Variants in TNIK observed in about 807,000 individuals in gnomAD.
The protein encoded by TNIK is TRAF2 and NCK interacting kinase.
TNIK carries 49 observed loss-of-function variants against 191.3 expected under a neutral mutation model. That is an observed-to-expected ratio of 0.26 (90% CI 0.20 to 0.32). The LOEUF (loss-of-function observed/expected upper bound fraction) is 0.32. TNIK is among the 10% of genes least tolerant of loss of function. The probability of loss-of-function intolerance (pLI) is 1.00; values close to 1 mark genes in which losing one functional copy is unlikely to be tolerated. For missense variants in TNIK, 1,155 were observed against 1,702.3 expected, an observed-to-expected ratio of 0.68 and a Z score of 5.66; for synonymous variants, 594 against 600.9, an observed-to-expected ratio of 0.99 and a Z score of 0.17.
At chr3:171,130,972 G>GAGAT (rs1473877033) in intron 15 of TNIK, among the ~76,000 whole-genome samples, 1 of 152,086 alleles carries the variant, frequency 6.6e-6, no homozygotes, top group Non-Finnish European at 1.5e-5. Context: ...AACCATTTTT[G>GAGAT]AGATAAAGAA....
intron 2 of TNIK, among the ~76,000 whole-genome samples, chr3:171,247,765 A>G (rs1745766725): frequency 6.6e-6 from 1 of 152,254 alleles, no homozygotes; most frequent in South Asian, 2.1e-4. Flanking sequence ...GGTCAGAGCC[A>G]GTGCTACAGA....
chr3:171,297,662 A>ACTCT (rs35322323), intron 2 of TNIK, among the ~76,000 whole-genome samples: 74,836 of 151,844 alleles, frequency 0.49, 18,997 homozygotes, highest in African/African-American at 0.52. Flanking sequence ...GAAAAATTAA[A>ACTCT]CAATATAATT....
intron 13 of TNIK, 108 bp from the exon 14 acceptor site, chr3:171,139,664 G>T: frequency 9.8e-7 from 1 of 1,017,864 alleles, no homozygotes. Context: ...GAAGGAAGGA[G>T]GGGAAAAATA....
Position 171,457,500 on chromosome 3 carries a change from G to A in TNIK, c.57+2507C>T, listed in dbSNP as rs80307611. On this transcript the variant is annotated intron_variant, in intron 1 of 32. Transcript: ENST00000436636. ...CATTTCAGGGGTCAGGCATTCCCCA[G>A]GAGGGGCTCAGCAGGCAGACTTTAC... is the stretch of plus-strand genomic sequence containing the variant. Among the ~76,000 whole-genome samples the A allele has an allele frequency of 6.5e-3, 986 of 152,306 alleles. 5 individuals are homozygous for A. Among genetic ancestry groups the A allele is most frequent in the Middle Eastern group, 0.024 (7 of 294 alleles).
intron 1 of TNIK, among the ~76,000 whole-genome samples, chr3:171,429,511 T>G (rs1420796810): frequency 6.6e-6 from 1 of 152,224 alleles, no homozygotes; most frequent in Non-Finnish European, 1.5e-5. Context: ...CATTTTCCCC[T>G]TTGAAATTCT....
intron 15 of TNIK, among the ~76,000 whole-genome samples, chr3:171,137,787 G>T (rs186043365): frequency 8.5e-5 from 13 of 152,070 alleles, no homozygotes; most frequent in Admixed American, 7.2e-4. Context: ...CAGCAACAGG[G>T]TCCAGGCATG....
chr3:171,088,286 G>A (rs1576772538), intron 23 of TNIK, among the ~76,000 whole-genome samples: 1 of 150,394 alleles, frequency 6.6e-6, no homozygotes, highest in Non-Finnish European at 1.5e-5. Context: ...CCAGGCTGGA[G>A]TGCAGTGGCG....
intron 2 of TNIK, among the ~76,000 whole-genome samples, chr3:171,280,388 TTA>T (rs1299377269): frequency 6.6e-6 from 1 of 152,180 alleles, no homozygotes; most frequent in Non-Finnish European, 1.5e-5. Flanking sequence ...CACTTACAAG[TTA>T]TGTGTCTTTG....
intron 28 of TNIK, 84 bp downstream of exon 28, chr3:171,079,434 A>T (rs1720396444): frequency 1.3e-6 from 2 of 1,491,176 alleles, no homozygotes; most frequent in Admixed American, 2.2e-5. Flanking sequence ...CATCAATCTG[A>T]TAGAAAAAAC....
chr3:171,421,724 A>ATT (rs67895255), intron 1 of TNIK, among the ~76,000 whole-genome samples: 2,084 of 91,228 alleles, frequency 0.023, 169 homozygotes, highest in African/African-American at 0.069. Flanking sequence ...TAGTTGTGTA[A>ATT]TTTTTTTTTT....
At position 171,448,088 on chromosome 3, in the gene TNIK, T is replaced by A. The variant is rs186030266; in HGVS notation, c.57+11919A>T. On this transcript the variant is annotated intron_variant, in intron 1 of 32. Coordinates refer to ENST00000436636, the MANE Select transcript of TNIK (RefSeq NM_015028.4). Reference sequence around the variant, plus strand: ...GGGAGAAGGTGGGTAGGAGTACAGATGAAACAGGATTCATTATGGGGGATA... The same window carrying A: ...GGGAGAAGGTGGGTAGGAGTACAGAAGAAACAGGATTCATTATGGGGGATA... Among the ~76,000 whole-genome samples the A allele has an allele frequency of 4.3e-3, 652 of 152,298 alleles. 6 individuals carry two copies. The highest frequency in any genetic ancestry group is 0.015 in the African/African-American group (620 of 41,552).
At position 171,087,781 on chromosome 3, in the gene TNIK, C is replaced by T. The variant is rs77808176; in HGVS notation, c.2722-275G>A. On this transcript the variant is annotated intron_variant, in intron 23 of 32. Coordinates refer to ENST00000436636, the MANE Select transcript of TNIK (RefSeq NM_015028.4). ...TGGGAGTCCCATGTACAGAGGGAGA[C>T]GCTACAAAAAGGGAGGGACTGAGCA... Among the ~76,000 whole-genome samples the T allele has an allele frequency of 5.8e-3, 889 of 152,268 alleles. 5 individuals are homozygous for T. The highest frequency in any genetic ancestry group is 0.02 in the African/African-American group (831 of 41,562).
chr3:171,071,161 TTAATG>T (rs1719126036), intron 29 of TNIK, 57 bp downstream of exon 29: 8 of 1,339,660 alleles, frequency 6.0e-6, no homozygotes, highest in Non-Finnish European at 8.1e-6. Context: ...GACTATTTTA[TTAATG>T]GGTAGAAACG....
intron 28 of TNIK, among the ~76,000 whole-genome samples, chr3:171,077,890 C>A (rs1374344146): frequency 6.7e-6 from 1 of 149,062 alleles, no homozygotes; most frequent in Non-Finnish European, 1.5e-5. Context: ...CACACACTCA[C>A]ACATATATAT....
chr3:171,190,448 A>ACC (rs969655915), intron 6 of TNIK, among the ~76,000 whole-genome samples: 2 of 152,210 alleles, frequency 1.3e-5, no homozygotes, highest in Non-Finnish European at 1.5e-5. Context: ...CTCTGCTGAA[A>ACC]CAAAAAAATC....
intron 7 of TNIK, 37 bp from the exon 8 acceptor site, chr3:171,177,417 T>C (rs2108788048): frequency 1.3e-6 from 2 of 1,586,640 alleles, no homozygotes; most frequent in South Asian, 1.2e-5. Flanking sequence ...ATAAATTCAG[T>C]CAACAAAGGA....
At chr3:171,205,374 C>A (rs978288951) in intron 4 of TNIK, among the ~76,000 whole-genome samples, 4 of 152,236 alleles carry the variant, frequency 2.6e-5, no homozygotes, top group Admixed American at 2.0e-4. Flanking sequence ...ATGGTCAGAG[C>A]AGCCCTCTGC....
At chr3:171,347,880 C>G (rs914133133) in intron 2 of TNIK, among the ~76,000 whole-genome samples, 1 of 152,144 alleles carries the variant, frequency 6.6e-6, no homozygotes, top group African/African-American at 2.4e-5. Context: ...TGTTCTTCCT[C>G]TTTGCTAGAA....
In TNIK at chr3:171,338,977, A is replaced by T. The variant is rs556013217; in HGVS notation, c.123+30643T>A. Among the ~76,000 whole-genome samples the T allele has an allele frequency of 2.6e-5, 4 of 152,344 alleles. No homozygotes were observed. The South Asian group carries it at 8.3e-4, about 32-fold the overall frequency. ...TCATAATGACTATGCTACATCAATT[A>T]GTATTATTTTCTGTCTCCCATGCCT... On this transcript the variant is annotated intron_variant, in intron 2 of 32. Coordinates refer to ENST00000436636, the MANE Select transcript of TNIK (RefSeq NM_015028.4).
Sources: gnomAD v4.1 joint callset for allele counts (sites outside exome capture counted in the v4.1 genomes callset) on GRCh38, gnomAD v4.1.1 for gene constraint, MANE v1.5 for transcripts, NCBI Gene and HGNC (gene_info 2026-07-23, HGNC 2026-07-21) for gene names.